Variants in CATSPER3 observed in about 807,000 individuals in gnomAD.
CATSPER3 encodes the protein cation channel sperm-associated protein 3.
A neutral mutation model predicts 36.6 loss-of-function variants in CATSPER3; 23 were observed. That is an observed-to-expected ratio of 0.63 (90% CI 0.45 to 0.89). The LOEUF is 0.89. Ranked by LOEUF, CATSPER3 falls within the 40% of genes least tolerant of loss-of-function variation. The pLI, the probability that CATSPER3 is intolerant of heterozygous loss-of-function variation, is 0.00. For missense variants in CATSPER3, 474 were observed against 503.9 expected (o/e 0.94, Z 0.57); for synonymous variants, 172 against 184.1 (o/e 0.93, Z 0.53).
At chr5:134,975,370 T>G (rs1368939787) in intron 2 of CATSPER3, 1 of 99,600 alleles carries the variant, frequency 1.0e-5, no homozygotes, top group African/African-American at 4.2e-5. Context: ...GTAGGAAAGC[T>G]TATAAAAAAA....
intron 3 of CATSPER3, among the ~76,000 whole-genome samples, chr5:134,999,533 A>G (rs1211751772): frequency 6.6e-6 from 1 of 152,206 alleles, no homozygotes; most frequent in Non-Finnish European, 1.5e-5. Flanking sequence ...GATTCTTCCT[A>G]TCCATGAGCA....
Position 135,001,875 on chromosome 5 carries a change from C to T in CATSPER3, c.492+5363C>T, listed in dbSNP as rs575519791. Reference sequence around the variant, plus strand: ...GTGTGTCTCTGCACGTGAGATGGGTCTCCTGAATACAGCACACTGATGGGT... The same window carrying T: ...GTGTGTCTCTGCACGTGAGATGGGTTTCCTGAATACAGCACACTGATGGGT... On this transcript the variant is annotated intron_variant, in intron 3 of 7. Coordinates refer to ENST00000282611, the MANE Select transcript of CATSPER3 (RefSeq NM_178019.3). 3.6e-3 allele frequency among the ~76,000 whole-genome samples: 550 copies of T among 152,206 alleles called. 6 individuals are homozygous for T. The highest frequency in any genetic ancestry group is 0.012 in the African/African-American group (511 of 41,510).
intron 2 of CATSPER3, among the ~76,000 whole-genome samples, chr5:134,994,442 A>T (rs1751919326): frequency 1.3e-5 from 2 of 152,246 alleles, no homozygotes; most frequent in Admixed American, 1.3e-4. Context: ...AACAAGAGGA[A>T]CATTGCTGAT....
chr5:134,998,069 C>A (rs1391746817), intron 3 of CATSPER3, among the ~76,000 whole-genome samples: 1 of 152,112 alleles, frequency 6.6e-6, no homozygotes, highest in African/African-American at 2.4e-5. Context: ...CTATCCCTCC[C>A]CGCCACCCCT....
chr5:134,996,790 G>T (rs1455412684), intron 3 of CATSPER3, among the ~76,000 whole-genome samples: 1 of 152,204 alleles, frequency 6.6e-6, no homozygotes, highest in Non-Finnish European at 1.5e-5. Flanking sequence ...GACTCCAGAG[G>T]CCACGTCTGA....
intron 2 of CATSPER3, among the ~76,000 whole-genome samples, chr5:134,977,178 A>G (rs889618937): frequency 3.9e-5 from 6 of 152,152 alleles, no homozygotes; most frequent in Non-Finnish European, 8.8e-5. Context: ...CTCTCCTGAT[A>G]GGGCTTTCTC....
At chr5:134,988,699 A>G (rs1291201956) in intron 2 of CATSPER3, among the ~76,000 whole-genome samples, 2 of 152,114 alleles carry the variant, frequency 1.3e-5, no homozygotes, top group Admixed American at 6.5e-5. Context: ...TTTCCACAAC[A>G]TCTGCAATTA....
At chr5:134,982,586 C>G (rs543450715) in intron 2 of CATSPER3, among the ~76,000 whole-genome samples, 2 of 152,270 alleles carry the variant, frequency 1.3e-5, no homozygotes, top group East Asian at 3.9e-4. Context: ...ATGAGAAATA[C>G]TGTATTCAGC....
intron 3 of CATSPER3, among the ~76,000 whole-genome samples, chr5:135,003,904 G>C (rs1752051690): frequency 6.6e-6 from 1 of 152,206 alleles, no homozygotes; most frequent in African/African-American, 2.4e-5. Flanking sequence ...TGCTTCCTGG[G>C]TGAGGCGATG....
intron 2 of CATSPER3, among the ~76,000 whole-genome samples, chr5:134,972,299 G>T (rs1561456891): frequency 6.6e-6 from 1 of 152,144 alleles, no homozygotes; most frequent in Non-Finnish European, 1.5e-5. Flanking sequence ...AAACACTTCT[G>T]TTCCCAAGCA....
In CATSPER3 at chr5:134,967,932, C is replaced by A; in HGVS notation, c.-60C>A. The stretch of plus-strand genomic sequence containing the variant: ...AGAATCCAGACGCTAAGGAAAATCC[C>A]TAAGCAGAGATTTTCTGTTGGATGC... On this transcript the variant is annotated 5_prime_UTR_variant, in exon 1 of 8. Coordinates refer to ENST00000282611, the MANE Select transcript of CATSPER3 (RefSeq NM_178019.3). The A allele has an allele frequency of 1.5e-6, 2 of 1,311,808 alleles. No homozygotes were observed. Among genetic ancestry groups the A allele is most frequent in the South Asian group, 1.2e-5 (1 of 84,364 alleles). The allele number at this position is 1,311,808 out of a possible 1,614,324, so 81.3% of individuals were successfully genotyped here.
chr5:135,008,998 G>A lies in CATSPER3; in HGVS notation c.816+17G>A, dbSNP rs2149553901. 3 of 1,614,032 alleles carry A rather than the reference G, an allele frequency of 1.9e-6. No individual in the cohort carries two copies. The highest frequency in any genetic ancestry group is 4.5e-5 in the East Asian group (2 of 44,876). Reference sequence around the variant, plus strand: ...CACACAGAGGTGAGGCCACACCTGTGAGGATCGGAGGTCAGGGCAGGTGTG... The same window carrying A: ...CACACAGAGGTGAGGCCACACCTGTAAGGATCGGAGGTCAGGGCAGGTGTG... On this transcript the variant is annotated intron_variant, in intron 5 of 7. Coordinates refer to ENST00000282611, the MANE Select transcript of CATSPER3 (RefSeq NM_178019.3).
At chr5:134,978,434 A>G (rs1365676737) in intron 2 of CATSPER3, among the ~76,000 whole-genome samples, 1 of 152,224 alleles carries the variant, frequency 6.6e-6, no homozygotes, top group Non-Finnish European at 1.5e-5. Context: ...TACAATTATT[A>G]TATGTCAATT....
intron 2 of CATSPER3, among the ~76,000 whole-genome samples, chr5:134,972,566 TGTA>T (rs772964274): frequency 6.6e-5 from 10 of 152,126 alleles, no homozygotes; most frequent in Non-Finnish European, 1.3e-4. Context: ...TAGGATTAAA[TGTA>T]GGAAATTTTT....
At chr5:135,009,264 G>A in intron 5 of CATSPER3, 107 bp from the exon 6 acceptor site, 1 of 1,222,762 alleles carries the variant, frequency 8.2e-7, no homozygotes, top group Non-Finnish European at 1.2e-6. Flanking sequence ...GGGGAAAAGT[G>A]CTCCTGCTGA....
At chr5:134,996,237 T>C in intron 2 of CATSPER3, 36 bp from the exon 3 acceptor site, 1 of 1,614,102 alleles carries the variant, frequency 6.2e-7, no homozygotes, top group South Asian at 1.1e-5. Flanking sequence ...GCTGTGCAGC[T>C]CGATCTGACT....
chr5:135,001,714 T>C (rs1752022092), intron 3 of CATSPER3, among the ~76,000 whole-genome samples: 1 of 152,232 alleles, frequency 6.6e-6, no homozygotes, highest in Admixed American at 6.5e-5. Flanking sequence ...TACCATTATG[T>C]AATGGCCTTC....
intron 3 of CATSPER3, among the ~76,000 whole-genome samples, chr5:135,007,666 G>C (rs552665869): frequency 6.6e-6 from 1 of 152,356 alleles, no homozygotes; most frequent in Non-Finnish European, 1.5e-5. Context: ...AAGTGGAGTG[G>C]TCACCTCAGA....
Position 134,970,662 on chromosome 5 carries a change from C to T in CATSPER3, c.252+570C>T, listed in dbSNP as rs956456116. Among the ~76,000 whole-genome samples, 3 of 150,572 alleles carry T rather than the reference C, an allele frequency of 2.0e-5. No individual in the cohort carries two copies. The Admixed American group carries it at 2.0e-4, about 10-fold the overall frequency. ...TCTTGGCTCACTGCAACCTCTGCCT[C>T]CCAGGTACAAGTGATTCTCCTGCCT... is the stretch of plus-strand genomic sequence containing the variant. On this transcript the variant is annotated intron_variant, in intron 2 of 7. Transcript: ENST00000282611.
Sources: gnomAD v4.1 joint callset for allele counts (sites outside exome capture counted in the v4.1 genomes callset) on GRCh38, gnomAD v4.1.1 for gene constraint, MANE v1.5 for transcripts, NCBI Gene and HGNC (gene_info 2026-07-23, HGNC 2026-07-21) for gene names.